Variants in HGS observed in about 807,000 individuals in gnomAD.
HGS encodes the protein human growth factor-regulated tyrosine kinase substrate.
HGS carries 63 observed loss-of-function variants against 109.7 expected under a neutral mutation model. That is an observed-to-expected ratio of 0.57 (90% CI 0.47 to 0.71). The LOEUF is 0.71. Among genes scored for constraint, HGS ranks in the 30% least tolerant of loss-of-function variants. The pLI is 0.00. For missense variants in HGS, 995 were observed against 1,068.3 expected (o/e 0.93, Z 0.96); for synonymous variants, 546 against 437.3 (o/e 1.25, Z -3.10).
Position 81,690,697 on chromosome 17 carries a change from G to T in HGS, c.492G>T (p.Glu164Asp). 1.2e-6 allele frequency: 2 copies of T among 1,613,132 alleles called. No individual in the cohort carries two copies. The highest frequency in any genetic ancestry group is 1.1e-5 in the South Asian group (1 of 91,024). ...AGGCCCCAGACTGGGTGGACGCTGAGGAATGCCACCGCTGCAGGGTGCAGT... is the reference window on the plus strand; with the variant it reads ...AGGCCCCAGACTGGGTGGACGCTGATGAATGCCACCGCTGCAGGGTGCAGT... ...AERAPDWVDA[E>D]ECHRCRVQFG... Residue 164 changes from glutamate (E) to aspartate (D), a missense_variant, in exon 7 of 22, where the codon GAG (glutamate) becomes GAT (aspartate). Around this residue, in one of 6 missense-constraint regions of HGS, gnomAD observed 182 missense variants for 261.3 expected, o/e 0.70. Transcript: ENST00000329138.
chr17:81,696,059 C>G, intron 15 of HGS, 60 bp downstream of exon 15: 1 of 1,420,948 alleles, frequency 7.0e-7, no homozygotes, highest in South Asian at 1.4e-5. Flanking sequence ...GAGCGCCATC[C>G]TGGGCCAGGG....
At chr17:81,690,096 T>TG in intron 5 of HGS, 86 bp from the exon 6 acceptor site, 1 of 1,444,738 alleles carries the variant, frequency 6.9e-7, no homozygotes, top group Non-Finnish European at 9.6e-7. Context: ...ACTGCTGCGT[T>TG]GCAGCTGCCG....
In HGS at chr17:81,690,189, C is replaced by A; in HGVS notation, c.423C>A (p.Val141=). Residue 141 remains valine (V), a synonymous_variant, in exon 6 of 22, where the codon GTC becomes GTA. Transcript: ENST00000329138. ...TYQIMKVEGH[V]FPEFKESDAM... Reference sequence around the variant, plus strand: ...ATGGCTTCATCTCTCCAGGGCACGTCTTTCCAGAATTCAAAGAGAGCGATG... The same window carrying A: ...ATGGCTTCATCTCTCCAGGGCACGTATTTCCAGAATTCAAAGAGAGCGATG... 1 of 1,613,796 alleles carries A rather than the reference C, an allele frequency of 6.2e-7. No homozygotes were observed. Among genetic ancestry groups the A allele is most frequent in the Non-Finnish European group, 8.5e-7 (1 of 1,179,770 alleles).
intron 8 of HGS, chr17:81,693,031 A>G (rs1940359016): frequency 6.4e-6 from 1 of 155,692 alleles, no homozygotes; most frequent in African/African-American, 2.4e-5. Context: ...AAAAGAAAAG[A>G]GCCCCAGGTC....
chr17:81,690,225 T>C lies in HGS; in HGVS notation c.459T>C (p.Ala153=). Reference sequence around the variant, plus strand: ...TCAAAGAGAGCGATGCCATGTTTGCTGCCGAGAGAGTGAGTGTGGGCGGCC... The same window carrying C: ...TCAAAGAGAGCGATGCCATGTTTGCCGCCGAGAGAGTGAGTGTGGGCGGCC... The part of the protein sequence containing the change: ...PEFKESDAMF[A]AERAPDWVDA... The change falls in exon 6 of 22, where the codon GCT becomes GCC. Residue 153 remains alanine (A), a synonymous_variant. Coordinates refer to ENST00000329138, the MANE Select transcript of HGS (RefSeq NM_004712.5). The C allele has an allele frequency of 1.2e-6, 2 of 1,613,898 alleles. No individual in the cohort carries two copies. The highest frequency in any genetic ancestry group is 3.3e-4 in the Middle Eastern group (2 of 6,056).
Position 81,695,850 on chromosome 17 carries a change from C to G in HGS, c.1244C>G (p.Ala415Gly). ...CAGTTCCTGAAGGCGCTGCAGAACG[C>G]CGTCACCACCTTCGTGAACCGCATG... ...HEQFLKALQN[A>G]VTTFVNRMKS... is the part of the protein sequence containing the mutation. The change falls in exon 15 of 22, where the codon GCC becomes GGC. Residue 415 changes from alanine to glycine, a missense_variant. This residue lies in a region of HGS where 163 missense variants were observed against 217.8 expected (regional missense o/e 0.75). Transcript: ENST00000329138. 1 of 1,613,530 alleles carries G rather than the reference C, an allele frequency of 6.2e-7. No individual in the cohort carries two copies.
chr17:81,691,112 A>T lies in HGS; in HGVS notation c.538-335A>T, dbSNP rs1428998222. On this transcript the variant is annotated intron_variant, in intron 7 of 21. Transcript: ENST00000329138. The surrounding 1 kb of genome is among the most constrained non-coding windows in gnomAD (Gnocchi z 5.3). Reference sequence around the variant, plus strand: ...CATCAAAACCCCCTCCAGGCTGGCAACCGGCAGTGCTTGGGGTTTGGGGTG... The same window carrying T: ...CATCAAAACCCCCTCCAGGCTGGCATCCGGCAGTGCTTGGGGTTTGGGGTG... The T allele has an allele frequency of 9.5e-6, 4 of 421,256 alleles. No homozygotes were observed. Among genetic ancestry groups the T allele is most frequent in the African/African-American group, 2.0e-5 (1 of 50,040 alleles). 26.1% of individuals were successfully genotyped at this position (421,256 alleles called of 1,614,324 possible).
At chr17:81,687,156 T>C (rs2036991804) in intron 4 of HGS, 61 bp downstream of exon 4, 1 of 1,133,680 alleles carries the variant, frequency 8.8e-7, no homozygotes, top group African/African-American at 1.5e-5. Context: ...TCTCCGGGTG[T>C]TTACTGGGCA....
Position 81,690,716 on chromosome 17 carries a change from G to T in HGS, c.511G>T (p.Val171Leu). 2 of 1,613,284 alleles carry T rather than the reference G, an allele frequency of 1.2e-6. No homozygotes were observed. Among genetic ancestry groups the T allele is most frequent in the Non-Finnish European group, 1.7e-6 (2 of 1,179,818 alleles). ...CGCTGAGGAATGCCACCGCTGCAGGGTGCAGTTCGGGGTGATGACCCGTAA... is the reference window on the plus strand; with the variant it reads ...CGCTGAGGAATGCCACCGCTGCAGGTTGCAGTTCGGGGTGATGACCCGTAA... ...VDAEECHRCR[V>L]QFGVMTRKHH... Residue 171 changes from valine to leucine, a missense_variant, in exon 7 of 22, where the codon GTG becomes TTG. Val to Leu is a conservative substitution (Grantham distance 32). Coordinates refer to ENST00000329138, the MANE Select transcript of HGS (RefSeq NM_004712.5).
rs2037245814 is a variant in HGS at position 81,701,992 on chromosome 17, T to A, written c.*374T>A. ...TGTCTGGGTGTGGCCTGGGGCTCCC[T>A]CTGCAGGGGCCTCTCTCGGCAGCCA... On this transcript the variant is annotated 3_prime_UTR_variant, in exon 22 of 22. Coordinates refer to ENST00000329138, the MANE Select transcript of HGS (RefSeq NM_004712.5). 1 of 193,222 alleles carries A rather than the reference T, an allele frequency of 5.2e-6. No homozygotes were observed. Among genetic ancestry groups the A allele is most frequent in the Non-Finnish European group, 1.1e-5 (1 of 95,110 alleles). The allele number at this position is 193,222 out of a possible 1,614,324, so 12.0% of individuals were successfully genotyped here. A position where few individuals can be genotyped will look rare whatever the true frequency, so the allele number is the denominator to read the frequency against.
chr17:81,696,182 C>G (rs1179259475), intron 15 of HGS, 175 bp from the exon 16 acceptor site: 3 of 936,150 alleles, frequency 3.2e-6, no homozygotes, highest in Non-Finnish European at 4.7e-6. Flanking sequence ...CCTGCCCTGC[C>G]CTGCCCTGCC....
At chr17:81,684,422 G>C (rs1176454883) in intron 1 of HGS, 5 of 293,730 alleles carry the variant, frequency 1.7e-5, no homozygotes, top group Non-Finnish European at 3.1e-5. Flanking sequence ...CGGCCGAGTG[G>C]GCCACAAGGC....
intron 5 of HGS, among the ~76,000 whole-genome samples, chr17:81,689,820 G>C (rs771963264): frequency 1.9e-4 from 29 of 152,194 alleles, no homozygotes; most frequent in Non-Finnish European, 1.5e-5. Context: ...TTCTGGGGTC[G>C]TGTGTCAAGA....
Position 81,701,874 on chromosome 17 carries a change from C to A in HGS, c.*256C>A. 1 of 448,162 alleles carries A rather than the reference C, an allele frequency of 2.2e-6. No individual in the cohort carries two copies. The highest frequency in any genetic ancestry group is 3.9e-6 in the Non-Finnish European group (1 of 259,568). 27.8% of individuals were successfully genotyped at this position (448,162 alleles called of 1,614,324 possible). A position where few individuals can be genotyped will look rare whatever the true frequency, so the allele number is the denominator to read the frequency against. Reference sequence around the variant, plus strand: ...TTTCTCCCAGGGGAAGCCCCCAGCCCTGTGGGTCATGGTCTGTGAGAGGTG... The same window carrying A: ...TTTCTCCCAGGGGAAGCCCCCAGCCATGTGGGTCATGGTCTGTGAGAGGTG... On this transcript the variant is annotated 3_prime_UTR_variant, in exon 22 of 22. Coordinates refer to ENST00000329138, the MANE Select transcript of HGS (RefSeq NM_004712.5).
chr17:81,692,995 AGC>A (rs1443212421), intron 8 of HGS: 3 of 152,534 alleles, frequency 2.0e-5, no homozygotes, highest in Non-Finnish European at 4.4e-5. Flanking sequence ...TGGGCGACAG[AGC>A]AAGACTCTAT....
intron 1 of HGS, among the ~76,000 whole-genome samples, chr17:81,685,275 G>A (rs1357747596): frequency 6.6e-6 from 1 of 152,214 alleles, no homozygotes; most frequent in Non-Finnish European, 1.5e-5. Flanking sequence ...CGAGCCTGAT[G>A]TTTAAGAGTG....
At chr17:81,700,367 CAA>C (rs367982845) in intron 18 of HGS, 98 bp from the exon 19 acceptor site, 31,653 of 919,230 alleles carry the variant, frequency 0.034, no homozygotes, top group South Asian at 0.052. Context: ...GACTCCATCT[CAA>C]AAAAAAAAAA....
rs2037243193 is a variant in HGS, at chr17:81,701,844, A to G, written c.*226A>G. On this transcript the variant is annotated 3_prime_UTR_variant, in exon 22 of 22. Coordinates refer to ENST00000329138, the MANE Select transcript of HGS (RefSeq NM_004712.5). ...CCCAGGGCTGGGCCATGGGGAGGGAAGGACTTTCTCCCAGGGGAAGCCCCC... is the reference window on the plus strand; with the variant it reads ...CCCAGGGCTGGGCCATGGGGAGGGAGGGACTTTCTCCCAGGGGAAGCCCCC... 3.4e-6 allele frequency: 2 copies of G among 582,196 alleles called. No individual in the cohort carries two copies. The highest frequency in any genetic ancestry group is 5.5e-6 in the Non-Finnish European group (2 of 364,790). 36.1% of individuals were successfully genotyped at this position (582,196 alleles called of 1,614,324 possible). A position where few individuals can be genotyped will look rare whatever the true frequency, so the allele number is the denominator to read the frequency against.
intron 2 of HGS, among the ~76,000 whole-genome samples, 153 bp downstream of exon 2, chr17:81,685,842 C>T (rs2036970836): frequency 6.6e-6 from 1 of 152,202 alleles, no homozygotes; most frequent in African/African-American, 2.4e-5. Context: ...TTTTTGACAT[C>T]TTGGAGGATT....
Sources: allele counts gnomAD v4.1 joint callset (sites outside exome capture counted in the v4.1 genomes callset), GRCh38; gene constraint gnomAD v4.1.1; regional missense constraint gnomAD v4.1.1; non-coding constraint Gnocchi (gnomAD v3.1); transcripts MANE v1.5; gene names NCBI Gene and HGNC (gene_info 2026-07-23, HGNC 2026-07-21).